Variants in COL5A1 observed in about 807,000 individuals in gnomAD.
The protein encoded by COL5A1 is collagen alpha-1(V) chain.
COL5A1 carries 16 observed loss-of-function variants against 263.7 expected under a neutral mutation model. The ratio of observed to expected loss-of-function variants is 0.06; its 90% CI spans 0.04 to 0.09. COL5A1 has a LOEUF of 0.09. COL5A1 is among the 10% of genes least tolerant of loss of function. The pLI is 1.00. For missense variants in COL5A1, 2,036 were observed against 2,540.5 expected, an observed-to-expected ratio of 0.80 and a Z score of 4.27; for synonymous variants, 1,012 against 1,004.5, an observed-to-expected ratio of 1.01 and a Z score of -0.14.
At chr9:134,661,643 G>T (rs1832206839) in intron 1 of COL5A1, among the ~76,000 whole-genome samples, 1 of 151,914 alleles carries the variant, frequency 6.6e-6, no homozygotes. Context: ...CCCTCCCCAT[G>T]CAACCCTGCC....
chr9:134,783,141 C>A (rs1195667148), intron 29 of COL5A1, among the ~76,000 whole-genome samples: 1 of 152,198 alleles, frequency 6.6e-6, no homozygotes, highest in Non-Finnish European at 1.5e-5. Flanking sequence ...CTGCCCAGGC[C>A]ACACGGCCGG....
rs1833481929 is a variant in COL5A1, at chr9:134,696,694, T to C, written c.278-3215T>C. On this transcript the variant is annotated intron_variant, in intron 2 of 65. Transcript: ENST00000371817. This position sits in a 1 kb window ranked among gnomAD's most constrained non-coding sequence, Gnocchi z 4.3. The stretch of plus-strand genomic sequence containing the variant: ...TAGTAACTGTCGGCTCAGTATGATT[T>C]AGTTTCAACACAAATGCATTTATTG... 6.6e-6 allele frequency among the ~76,000 whole-genome samples: 1 copy of C among 152,200 alleles called. No homozygotes were observed. The highest frequency in any genetic ancestry group is 2.4e-5 in the African/African-American group (1 of 41,446).
chr9:134,802,146 T>C (rs1268051529), intron 38 of COL5A1, 139 bp downstream of exon 38: 11 of 881,476 alleles, frequency 1.2e-5, no homozygotes, highest in Non-Finnish European at 2.1e-5. Flanking sequence ...AGGTCCTGAA[T>C]GTTGGTCAGC....
intron 64 of COL5A1, among the ~76,000 whole-genome samples, chr9:134,833,244 T>C (rs1839717485): frequency 6.6e-6 from 1 of 152,208 alleles, no homozygotes; most frequent in Admixed American, 6.5e-5. Context: ...TGTCAGGTTT[T>C]TCAGAAACCT....
intron 54 of COL5A1, 124 bp downstream of exon 54, chr9:134,817,955 C>A: frequency 3.1e-6 from 3 of 978,824 alleles, no homozygotes; most frequent in Non-Finnish European, 4.8e-6. Context: ...GCCCCAGGGG[C>A]ACCTGGCTCA....
chr9:134,688,567 G>T (rs1338365444), intron 1 of COL5A1, among the ~76,000 whole-genome samples: 3 of 152,210 alleles, frequency 2.0e-5, no homozygotes, highest in Non-Finnish European at 4.4e-5. Flanking sequence ...TGCCATACAT[G>T]CCCGAGGGGG....
At chr9:134,777,828 C>G in intron 27 of COL5A1, among the ~76,000 whole-genome samples, 1 of 152,318 alleles carries the variant, frequency 6.6e-6, no homozygotes, top group East Asian at 1.9e-4. Context: ...CACACAAACC[C>G]AGTCCCCCAG....
Position 134,842,068 on chromosome 9 carries a change from G to A in COL5A1, c.5371-89G>A, listed in dbSNP as rs1830118988. On this transcript the variant is annotated intron_variant, in intron 65 of 65. Transcript: ENST00000371817. The surrounding 1 kb of genome is among the most constrained non-coding windows in gnomAD (Gnocchi z 5.8). ...GAGACAGGACACCAGCCTGGGTTTT[G>A]GAGCCAGACAGATTGTGGGGGGTGA... 2.0e-6 allele frequency: 3 copies of A among 1,517,734 alleles called. No homozygotes were observed. Among genetic ancestry groups the A allele is most frequent in the Non-Finnish European group, 2.7e-6 (3 of 1,097,094 alleles). 94.0% of individuals were successfully genotyped at this position (1,517,734 alleles called of 1,614,324 possible). A position where few individuals can be genotyped will look rare whatever the true frequency, so the allele number is the denominator to read the frequency against.
At chr9:134,826,881 A>G (rs1839301574) in intron 63 of COL5A1, among the ~76,000 whole-genome samples, 1 of 151,804 alleles carries the variant, frequency 6.6e-6, no homozygotes, top group South Asian at 2.1e-4. Context: ...ATGTGGGTGC[A>G]TGTGGCTGGC....
intron 31 of COL5A1, among the ~76,000 whole-genome samples, chr9:134,787,784 G>A (rs543641908): frequency 1.2e-4 from 18 of 152,344 alleles, no homozygotes; most frequent in African/African-American, 3.8e-4. Flanking sequence ...ACAGTGCAAT[G>A]TTCATGTCTC....
intron 25 of COL5A1, among the ~76,000 whole-genome samples, chr9:134,770,642 G>A (rs1306692088): frequency 5.9e-5 from 9 of 152,220 alleles, no homozygotes. Flanking sequence ...GGTGATGAAG[G>A]ATTTTAATTC....
chr9:134,763,852 C>A, intron 20 of COL5A1, 115 bp downstream of exon 20: 1 of 1,068,560 alleles, frequency 9.4e-7, no homozygotes. Flanking sequence ...AGAGAGAGCT[C>A]GACCTGAGAA....
At chr9:134,725,321 T>C (rs888718482) in intron 4 of COL5A1, among the ~76,000 whole-genome samples, 3 of 152,194 alleles carry the variant, frequency 2.0e-5, no homozygotes, top group African/African-American at 7.2e-5. Flanking sequence ...ACACAATTCA[T>C]AGGGTTCTTG....
chr9:134,685,487 T>A (rs1438645536), intron 1 of COL5A1, among the ~76,000 whole-genome samples: 1 of 21,092 alleles, frequency 4.7e-5, no homozygotes, highest in Admixed American at 7.1e-4. Context: ...CATCCATCCG[T>A]CCATCCATCC....
Position 134,843,471 on chromosome 9 carries a change from T to C in COL5A1, c.*1168T>C, listed in dbSNP as rs1487094626. On this transcript the variant is annotated 3_prime_UTR_variant, in exon 66 of 66. Coordinates refer to ENST00000371817, the MANE Select transcript of COL5A1 (RefSeq NM_000093.5). ...TCTCCCTGCTTTCTTTATCCTGTTA[T>C]TGCCTCCACAGTCTGTTGCCAAGGA... 6.5e-6 allele frequency: 1 copy of C among 152,756 alleles called. No homozygotes were observed. The highest frequency in any genetic ancestry group is 1.5e-5 in the Non-Finnish European group (1 of 68,118). The allele number at this position is 152,756 out of a possible 1,614,324, so 9.5% of individuals were successfully genotyped here. A position where few individuals can be genotyped will look rare whatever the true frequency, so the allele number is the denominator to read the frequency against.
At position 134,645,132 on chromosome 9, in the gene COL5A1, A is replaced by C. The variant is rs913923340; in HGVS notation, c.109+2836A>C. Among the ~76,000 whole-genome samples, 7 of 152,196 alleles carry C rather than the reference A, an allele frequency of 4.6e-5. No individual in the cohort carries two copies. The East Asian group carries it at 1.3e-3, about 29-fold the overall frequency. On this transcript the variant is annotated intron_variant, in intron 1 of 65. Coordinates refer to ENST00000371817, the MANE Select transcript of COL5A1 (RefSeq NM_000093.5). ...GCCCACCCAGCAGTGCGGCAGCCCC[A>C]GGCAGGGGCGTGCTCCCAGTGCCAG...
chr9:134,744,673 A>C (rs1268878586), intron 11 of COL5A1, among the ~76,000 whole-genome samples: 1 of 151,948 alleles, frequency 6.6e-6, no homozygotes, highest in Non-Finnish European at 1.5e-5. Flanking sequence ...ACACATGCAC[A>C]CACATTCACA....
intron 1 of COL5A1, among the ~76,000 whole-genome samples, chr9:134,651,944 G>A (rs781690375): frequency 2.7e-4 from 41 of 152,184 alleles, no homozygotes; most frequent in Non-Finnish European, 5.1e-4. Context: ...GGAAAGGAGA[G>A]TGAGGAGAAA....
At chr9:134,731,466 G>T (rs747923745) in intron 7 of COL5A1, 30 bp from the exon 8 acceptor site, 1 of 1,612,996 alleles carries the variant, frequency 6.2e-7, no homozygotes, top group Non-Finnish European at 8.5e-7. Context: ...CGTTTGCGAG[G>T]CAACCCTGCG....
Sources: allele counts gnomAD v4.1 joint callset (sites outside exome capture counted in the v4.1 genomes callset), GRCh38; gene constraint gnomAD v4.1.1; non-coding constraint Gnocchi (gnomAD v3.1); transcripts MANE v1.5; gene names NCBI Gene and HGNC (gene_info 2026-07-23, HGNC 2026-07-21).